ANKRD44: variants seen among roughly 807,000 people sequenced by gnomAD.
ANKRD44 encodes serine/threonine-protein phosphatase 6 regulatory ankyrin repeat subunit B.
A neutral mutation model predicts 116.0 loss-of-function variants in ANKRD44; 35 were observed. The ratio of observed to expected loss-of-function variants is 0.30; its 90% CI spans 0.23 to 0.40. The LOEUF (loss-of-function observed/expected upper bound fraction) is 0.40, where lower values mean the gene tolerates loss of function less well. Ranked by LOEUF, ANKRD44 falls within the 10% of genes least tolerant of loss-of-function variation. ANKRD44 has a pLI of 1.00. For missense variants in ANKRD44, 1,014 were observed against 1,242.6 expected (o/e 0.82, Z 2.77); for synonymous variants, 435 against 461.8 (o/e 0.94, Z 0.74).
chr2:197,170,201 A>AAAC (rs2080197877), intron 2 of ANKRD44, among the ~76,000 whole-genome samples: 1 of 151,740 alleles, frequency 6.6e-6, no homozygotes, highest in Non-Finnish European at 1.5e-5. Flanking sequence ...AAAAAAAAAA[A>AAAC]AAAAAAAAAA....
At chr2:197,264,055 G>T (rs1036927818) in intron 1 of ANKRD44, among the ~76,000 whole-genome samples, 3 of 152,102 alleles carry the variant, frequency 2.0e-5, no homozygotes, top group Non-Finnish European at 4.4e-5. Context: ...AGGAGCTTGA[G>T]ACCAGCCTGG....
At chr2:197,173,325 C>T (rs2080286970) in intron 2 of ANKRD44, among the ~76,000 whole-genome samples, 1 of 152,062 alleles carries the variant, frequency 6.6e-6, no homozygotes, top group African/African-American at 2.4e-5. Flanking sequence ...TATTCAAAAC[C>T]CTTTCTAAAT....
intron 10 of ANKRD44, 132 bp from the exon 11 acceptor site, chr2:197,090,164 G>A (rs1015609348): frequency 1.6e-6 from 1 of 637,258 alleles, no homozygotes; most frequent in Non-Finnish European, 2.7e-6. Context: ...GAAATAATTT[G>A]GTAATTCTTC....
chr2:197,166,325 C>T (rs2080100486), intron 2 of ANKRD44, among the ~76,000 whole-genome samples: 1 of 152,192 alleles, frequency 6.6e-6, no homozygotes. Flanking sequence ...CAAAGACGTG[C>T]TCTGAAGGAC....
At chr2:197,001,473 C>A (rs2076113651) in intron 22 of ANKRD44, among the ~76,000 whole-genome samples, 1 of 152,180 alleles carries the variant, frequency 6.6e-6, no homozygotes, top group South Asian at 2.1e-4. Flanking sequence ...GTGAGTTATA[C>A]CTGAAGAGTT....
intron 2 of ANKRD44, among the ~76,000 whole-genome samples, chr2:197,184,703 G>T (rs959064749): frequency 6.6e-6 from 1 of 151,518 alleles, no homozygotes; most frequent in Non-Finnish European, 1.5e-5. Context: ...TCCCTTTGGG[G>T]TGGCAGGACT....
rs547652102 is a variant in ANKRD44 at position 197,136,449 on chromosome 2, A to G, written c.261+143T>C. Reference sequence around the variant, plus strand: ...ATGTCTGGCACACAGGAGATACTCAAATAAAAGCTGTTCATTTTGGGTAAC... The same window carrying G: ...ATGTCTGGCACACAGGAGATACTCAGATAAAAGCTGTTCATTTTGGGTAAC... On this transcript the variant is annotated intron_variant, in intron 4 of 27. Coordinates refer to ENST00000282272, the MANE Select transcript of ANKRD44 (RefSeq NM_001195144.2). 2.6e-4 allele frequency: 192 copies of G among 726,840 alleles called. 1 individual carries two copies. In the East Asian group the frequency reaches 4.8e-3, roughly 18 times the overall value. 45.0% of individuals were successfully genotyped at this position (726,840 alleles called of 1,614,324 possible). A position where few individuals can be genotyped will look rare whatever the true frequency, so the allele number is the denominator to read the frequency against.
chr2:197,305,918 G>A (rs961644352), intron 1 of ANKRD44, among the ~76,000 whole-genome samples: 3 of 146,634 alleles, frequency 2.0e-5, no homozygotes, highest in African/African-American at 5.1e-5. Context: ...AAAATTTTTT[G>A]GTTTGCTCAT....
At chr2:197,150,330 C>T (rs1287269846) in intron 2 of ANKRD44, among the ~76,000 whole-genome samples, 1 of 152,092 alleles carries the variant, frequency 6.6e-6, no homozygotes, top group Non-Finnish European at 1.5e-5. Flanking sequence ...GGGCGGATCA[C>T]AAGTTCAGGA....
intron 1 of ANKRD44, among the ~76,000 whole-genome samples, chr2:197,219,314 C>T (rs1024739968): frequency 1.3e-5 from 2 of 151,998 alleles, no homozygotes; most frequent in Non-Finnish European, 1.5e-5. Context: ...GTGATCTGCC[C>T]ACCTCAGCCT....
intron 1 of ANKRD44, among the ~76,000 whole-genome samples, chr2:197,191,487 A>C (rs755442341): frequency 6.6e-6 from 1 of 152,198 alleles, no homozygotes; most frequent in African/African-American, 2.4e-5. Context: ...CACATCCCCT[A>C]TCGGCACATC....
chr2:197,037,834 C>G (rs988657168), intron 16 of ANKRD44, among the ~76,000 whole-genome samples: 7 of 152,076 alleles, frequency 4.6e-5, no homozygotes, highest in Non-Finnish European at 1.0e-4. Flanking sequence ...CCCAGCTACT[C>G]AGGAGGCTGA....
intron 1 of ANKRD44, among the ~76,000 whole-genome samples, chr2:197,237,089 C>T (rs528831094): frequency 2.0e-5 from 3 of 152,146 alleles, no homozygotes; most frequent in Non-Finnish European, 4.4e-5. Flanking sequence ...AGAGCAAACT[C>T]GACTCCTTTA....
At chr2:197,006,108 AT>A (rs145242885) in intron 20 of ANKRD44, among the ~76,000 whole-genome samples, 198 bp from the exon 21 acceptor site, 11,759 of 152,192 alleles carry the variant, frequency 0.077, 561 homozygotes, top group African/African-American at 0.14. Flanking sequence ...GAACATCAGC[AT>A]TTTCGAAATA....
intron 1 of ANKRD44, among the ~76,000 whole-genome samples, chr2:197,250,550 T>C (rs1644146458): frequency 1.3e-5 from 2 of 152,230 alleles, no homozygotes; most frequent in South Asian, 4.1e-4. Flanking sequence ...GAAAGTGTGA[T>C]GGGCAGTTAA....
chr2:197,151,064 T>C (rs1020122346), intron 2 of ANKRD44, among the ~76,000 whole-genome samples: 1 of 150,538 alleles, frequency 6.6e-6, no homozygotes, highest in Non-Finnish European at 1.5e-5. Context: ...ACATTGCCTG[T>C]ATAGTCTGGG....
At chr2:197,029,568 G>C (rs1441976588) in intron 16 of ANKRD44, 3 of 471,540 alleles carry the variant, frequency 6.4e-6, no homozygotes, top group Non-Finnish European at 1.3e-5. Context: ...TGCCCACCAA[G>C]AGCAAGTTTC....
chr2:197,122,539 A>G, intron 7 of ANKRD44, 111 bp downstream of exon 7: 1 of 1,406,466 alleles, frequency 7.1e-7, no homozygotes, highest in Non-Finnish European at 9.5e-7. Flanking sequence ...ACAGGATGCT[A>G]GAAAACAATT....
At chr2:197,256,482 T>A (rs2712890) in intron 1 of ANKRD44, among the ~76,000 whole-genome samples, 35,948 of 152,082 alleles carry the variant, frequency 0.24, 4,441 homozygotes, top group African/African-American at 0.3. Context: ...ACACAAGTTA[T>A]CTACATCAAA....
Sources: allele counts gnomAD v4.1 joint callset (sites outside exome capture counted in the v4.1 genomes callset), GRCh38; gene constraint gnomAD v4.1.1; transcripts MANE v1.5; gene names NCBI Gene and HGNC (gene_info 2026-07-23, HGNC 2026-07-21).